Variants in PTPRS observed in about 807,000 individuals in gnomAD.
PTPRS encodes receptor-type tyrosine-protein phosphatase S.
PTPRS carries 63 observed loss-of-function variants against 215.3 expected under a neutral mutation model. That is an observed-to-expected ratio of 0.29 (90% CI 0.24 to 0.36). The LOEUF (loss-of-function observed/expected upper bound fraction) is 0.36. Ranked by LOEUF, PTPRS falls within the 10% of genes least tolerant of loss-of-function variation. The probability of loss-of-function intolerance (pLI) is 1.00; values close to 1 mark genes in which losing one functional copy is unlikely to be tolerated. For synonymous variants in PTPRS, 1,404 were observed against 1,191.4 expected (o/e 1.18, Z -3.68); for missense variants, 2,258 against 2,825.8 (o/e 0.80, Z 4.56).
intron 36 of PTPRS, 52 bp downstream of exon 36, chr19:5,208,185 G>T: frequency 1.9e-6 from 3 of 1,558,992 alleles, no homozygotes; most frequent in Non-Finnish European, 2.6e-6. Flanking sequence ...GTCCCCACCA[G>T]GCCTCAGTTT....
In PTPRS at chr19:5,256,273, A is replaced by T. The variant is rs562810891; in HGVS notation, c.707-154T>A. On this transcript the variant is annotated intron_variant, in intron 8 of 37. Transcript: ENST00000262963. The stretch of plus-strand genomic sequence containing the variant: ...TTTCTTTAAACCAAAAAAAAAAATT[A>T]AAATTAAAAAATAAAAAGAACAGCA... Among the ~76,000 whole-genome samples the T allele has an allele frequency of 3.3e-5, 5 of 151,744 alleles. No homozygotes were observed. In the South Asian group the frequency reaches 1.0e-3, roughly 32 times the overall value.
chr19:5,206,398 C>A lies in PTPRS; in HGVS notation c.*376G>T, dbSNP rs1274558554. ...AGAGCGGGGAGGAGCCCCCCGGGTC[C>A]CCCTACCACCGCTGGGGGAGGACGA... On this transcript the variant is annotated 3_prime_UTR_variant, in exon 38 of 38. Coordinates refer to ENST00000262963, the MANE Select transcript of PTPRS (RefSeq NM_002850.4). The A allele has an allele frequency of 3.9e-6, 1 of 257,442 alleles. No homozygotes were observed. Among genetic ancestry groups the A allele is most frequent in the Admixed American group, 5.3e-5 (1 of 18,730 alleles). 15.9% of individuals were successfully genotyped at this position (257,442 alleles called of 1,614,324 possible).
At chr19:5,206,963 C>T in intron 37 of PTPRS, 121 bp from the exon 38 acceptor site, 2 of 835,504 alleles carry the variant, frequency 2.4e-6, no homozygotes, top group East Asian at 5.2e-5. Flanking sequence ...CAGAAGGTCT[C>T]TTTGGCCCCC....
chr19:5,322,483 C>G (rs185234714), intron 1 of PTPRS, among the ~76,000 whole-genome samples: 1 of 151,976 alleles, frequency 6.6e-6, no homozygotes, highest in Non-Finnish European at 1.5e-5. Flanking sequence ...CCGCGGGGAC[C>G]GACTCGAGCC....
intron 1 of PTPRS, among the ~76,000 whole-genome samples, chr19:5,334,150 C>T (rs897984523): frequency 1.3e-4 from 20 of 152,214 alleles, no homozygotes; most frequent in Non-Finnish European, 2.2e-4. Context: ...AGTGGGGCGG[C>T]CTTGATTAAG....
intron 2 of PTPRS, among the ~76,000 whole-genome samples, chr19:5,275,324 C>T (rs1324794486): frequency 1.3e-5 from 2 of 152,006 alleles, no homozygotes; most frequent in Non-Finnish European, 2.9e-5. Context: ...CCTGCCTTCG[C>T]CTCCCAAAGT....
Position 5,242,458 on chromosome 19 carries a change from C to G in PTPRS, c.1570+1443G>C, listed in dbSNP as rs145879306. On this transcript the variant is annotated intron_variant, in intron 11 of 37. Transcript: ENST00000262963. ...GTGGTGACATTTTGGCTCACCGCCT[C>G]CCGAGTTCAAGTGATTCTCCTGCCT... 4.4e-3 allele frequency among the ~76,000 whole-genome samples: 667 copies of G among 152,044 alleles called. 4 individuals carry two copies. The highest frequency in any genetic ancestry group is 0.015 in the African/African-American group (635 of 41,470).
chr19:5,252,115 C>A (rs559552468), intron 9 of PTPRS, among the ~76,000 whole-genome samples: 1 of 152,160 alleles, frequency 6.6e-6, no homozygotes, highest in African/African-American at 2.4e-5. Context: ...GGACAGGTCA[C>A]AAATACTGAA....
At chr19:5,230,167 T>C (rs536928402) in intron 14 of PTPRS, among the ~76,000 whole-genome samples, 2 of 152,286 alleles carry the variant, frequency 1.3e-5, no homozygotes, top group African/African-American at 4.8e-5. Context: ...CTCAGGATCT[T>C]TTTCACCCAC....
At chr19:5,290,815 C>T (rs2048752503) in intron 1 of PTPRS, among the ~76,000 whole-genome samples, 1 of 151,794 alleles carries the variant, frequency 6.6e-6, no homozygotes, top group African/African-American at 2.4e-5. Context: ...CCACCCCCCA[C>T]CCACAGCTCT....
chr19:5,218,359 T>C, intron 25 of PTPRS, 61 bp downstream of exon 25: 1 of 1,499,330 alleles, frequency 6.7e-7, no homozygotes, highest in Non-Finnish European at 9.1e-7. Context: ...TGGCAGCTAC[T>C]GCTTCTCCCC....
intron 9 of PTPRS, among the ~76,000 whole-genome samples, chr19:5,248,476 C>T (rs923262490): frequency 1.3e-5 from 2 of 152,054 alleles, no homozygotes; most frequent in Non-Finnish European, 2.9e-5. Flanking sequence ...GAGACGCCCT[C>T]CCCCTGGCAG....
intron 6 of PTPRS, among the ~76,000 whole-genome samples, 191 bp from the exon 7 acceptor site, chr19:5,261,013 C>G (rs983465492): frequency 7.2e-5 from 11 of 152,014 alleles, no homozygotes; most frequent in African/African-American, 2.7e-4. Context: ...CTCCTAGGAG[C>G]AGGGTGAGGT....
intron 1 of PTPRS, among the ~76,000 whole-genome samples, chr19:5,325,344 G>A (rs2050140254): frequency 6.6e-6 from 1 of 152,258 alleles, no homozygotes; most frequent in Admixed American, 6.5e-5. Flanking sequence ...AGGTGGCCAT[G>A]TGCCCAGATA....
At chr19:5,296,248 T>C (rs2049130838) in intron 1 of PTPRS, among the ~76,000 whole-genome samples, 1 of 152,080 alleles carries the variant, frequency 6.6e-6, no homozygotes, top group South Asian at 2.1e-4. Flanking sequence ...TGAGGATGAT[T>C]GGGTTCAGGG....
intron 8 of PTPRS, among the ~76,000 whole-genome samples, chr19:5,256,879 G>A (rs1170644374): frequency 6.6e-6 from 1 of 151,964 alleles, no homozygotes; most frequent in East Asian, 1.9e-4. Flanking sequence ...AGGGTCTGTG[G>A]GTAAGGGATG....
rs180692228 is a variant in PTPRS at position 5,208,142 on chromosome 19, A to C, written c.5643-85T>G. On this transcript the variant is annotated intron_variant, in intron 36 of 37. Transcript: ENST00000262963. ...ACCACCCGATTCCCCGAGGACTCTA[A>C]CAGCCCAGATGGGACAGCCTAAGCT... 5.7e-5 allele frequency: 90 copies of C among 1,573,076 alleles called. No individual in the cohort carries two copies. The African/African-American group carries it at 1.0e-3, about 18-fold the overall frequency.
intron 9 of PTPRS, among the ~76,000 whole-genome samples, chr19:5,252,574 CAAAAAAA>C (rs56215560): frequency 1.5e-5 from 1 of 66,816 alleles, no homozygotes; most frequent in Non-Finnish European, 2.6e-5. Context: ...GAGATTCTGT[CAAAAAAA>C]AAAAAAAAAA....
intron 26 of PTPRS, among the ~76,000 whole-genome samples, chr19:5,216,081 C>T (rs1166959034): frequency 5.3e-5 from 8 of 152,250 alleles, no homozygotes; most frequent in East Asian, 1.9e-4. Flanking sequence ...GCACGAAATC[C>T]GCTTCCAGGT....
Sources: gnomAD v4.1 joint callset for allele counts (sites outside exome capture counted in the v4.1 genomes callset) on GRCh38, gnomAD v4.1.1 for gene constraint, MANE v1.5 for transcripts, NCBI Gene and HGNC (gene_info 2026-07-23, HGNC 2026-07-21) for gene names.